The following GNG2 variants were observed in gnomAD, a reference collection of about 807,000 sequenced individuals.
GNG2 encodes guanine nucleotide-binding protein G(I)/G(S)/G(O) subunit gamma-2.
GNG2 carries 5 observed loss-of-function variants against 5.5 expected under a neutral mutation model. The ratio of observed to expected loss-of-function variants is 0.91; its 90% CI spans 0.48 to 1.92. GNG2 has a LOEUF of 1.92. Among genes scored for constraint, GNG2 ranks in the 30% most tolerant of loss-of-function variants. The pLI is 0.01. For synonymous variants in GNG2, 28 were observed against 32.0 expected (o/e 0.88, Z 0.42); for missense variants, 55 against 88.4 (o/e 0.62, Z 1.52).
intron 2 of GNG2, among the ~76,000 whole-genome samples, chr14:51,915,455 C>G (rs1472525508): frequency 2.0e-5 from 3 of 152,072 alleles, no homozygotes; most frequent in Non-Finnish European, 4.4e-5. Flanking sequence ...ACAAAAGACA[C>G]CTAAGCTGCT....
chr14:51,961,490 C>T (rs1253649), intron 3 of GNG2, among the ~76,000 whole-genome samples: 140,857 of 152,242 alleles, frequency 0.93, 65,663 homozygotes, highest in Non-Finnish European at 0.98. Context: ...TTCCTGCCTT[C>T]GTGGAGCCCA....
At chr14:51,854,251 T>G (rs968181142) in intron 2 of GNG2, among the ~76,000 whole-genome samples, 2 of 152,152 alleles carry the variant, frequency 1.3e-5, no homozygotes, top group Non-Finnish European at 2.9e-5. Context: ...AGTGTTTCTG[T>G]TTTTATGGTA....
At chr14:51,922,145 C>CT (rs1887051098) in intron 2 of GNG2, among the ~76,000 whole-genome samples, 2 of 152,110 alleles carry the variant, frequency 1.3e-5, no homozygotes, top group South Asian at 4.1e-4. Context: ...AGCTAAAACT[C>CT]TGACAATTCA....
intron 2 of GNG2, among the ~76,000 whole-genome samples, chr14:51,935,021 CTTTCT>C (rs1887896089): frequency 9.0e-6 from 1 of 111,292 alleles, no homozygotes. Context: ...AGCCCAGTTT[CTTTCT>C]TTTTTTTTTT....
chr14:51,908,031 T>C (rs1886039247), intron 2 of GNG2, among the ~76,000 whole-genome samples: 1 of 152,218 alleles, frequency 6.6e-6, no homozygotes, highest in East Asian at 1.9e-4. Flanking sequence ...ACATCTATCT[T>C]CTAATAGTTT....
At chr14:51,916,705 G>A (rs1220356115) in intron 2 of GNG2, among the ~76,000 whole-genome samples, 1 of 152,148 alleles carries the variant, frequency 6.6e-6, no homozygotes, top group Non-Finnish European at 1.5e-5. Context: ...ACCCAGGTTG[G>A]TGTAGGTATC....
chr14:51,942,589 C>CTTTCTTTCTTTCTTTCTTTCTT (rs761049973), intron 2 of GNG2, among the ~76,000 whole-genome samples: 1 of 81,146 alleles, frequency 1.2e-5, no homozygotes, highest in African/African-American at 5.9e-5. Flanking sequence ...TTCTTTCTTT[C>CTTTCTTTCTTTCTTTCTTTCTT]TTTTTTTTTT....
intron 2 of GNG2, among the ~76,000 whole-genome samples, chr14:51,833,818 A>G (rs2140072135): frequency 6.6e-6 from 1 of 152,376 alleles, no homozygotes. Context: ...CATCTGCTGC[A>G]ATGATGAATG....
chr14:51,937,416 A>G (rs931585037), intron 2 of GNG2, among the ~76,000 whole-genome samples: 44 of 152,302 alleles, frequency 2.9e-4, no homozygotes, highest in African/African-American at 9.1e-4. Context: ...ATGATTATGT[A>G]TATTAGTTAA....
chr14:51,966,231 A>AAAAAAG (rs1555359164), intron 3 of GNG2, among the ~76,000 whole-genome samples: 2,421 of 108,546 alleles, frequency 0.022, 215 homozygotes, highest in South Asian at 0.1. Flanking sequence ...AAAAAAAAAA[A>AAAAAAG]AAAAAACAAA....
chr14:51,911,335 G>A (rs930169313), intron 2 of GNG2, among the ~76,000 whole-genome samples: 1 of 152,166 alleles, frequency 6.6e-6, no homozygotes, highest in African/African-American at 2.4e-5. Context: ...CAAGGCCTAT[G>A]AGAATGAAAT....
Position 51,922,295 on chromosome 14 carries a change from T to C in GNG2, c.-29-28355T>C, listed in dbSNP as rs1254499467. On this transcript the variant is annotated intron_variant, in intron 2 of 3. Transcript: ENST00000556766. ...TGTGGATCTTGTAAAACAGAAAATG[T>C]AGCTTTTTAGATAAAAGGAAAAGGA... Among the ~76,000 whole-genome samples, 3 of 152,202 alleles carry C rather than the reference T, an allele frequency of 2.0e-5. No individual in the cohort carries two copies. In the East Asian group the frequency reaches 5.8e-4, roughly 29 times the overall value.
At chr14:51,856,170 A>G (rs373856132), upstream of GNG2, among the ~76,000 whole-genome samples, 1 of 152,064 alleles carries the variant, frequency 6.6e-6, no homozygotes, top group Non-Finnish European at 1.5e-5. Flanking sequence ...AGAGCAAGAC[A>G]GTCTCAAAAA....
intron 2 of GNG2, among the ~76,000 whole-genome samples, chr14:51,843,558 G>A (rs1280048163): frequency 7.1e-6 from 1 of 140,698 alleles, no homozygotes; most frequent in African/African-American, 2.6e-5. Flanking sequence ...ATCTGCACAC[G>A]CATCCCAGAA....
In GNG2 at chr14:51,943,740, C is replaced by A. The variant is rs1888482568; in HGVS notation, c.-29-6910C>A. Among the ~76,000 whole-genome samples, 2 of 151,902 alleles carry A rather than the reference C, an allele frequency of 1.3e-5. 1 individual carries two copies. The highest frequency in any genetic ancestry group is 4.8e-5 in the African/African-American group (2 of 41,328). ...AAGAATAAAATAGTTAAGAACTAAC[C>A]AGGAAGGTAAAAGACTTATTCAACA... On this transcript the variant is annotated intron_variant, in intron 2 of 3. Coordinates refer to ENST00000556766, the MANE Select transcript of GNG2 (RefSeq NM_053064.5).
At chr14:51,882,678 G>A (rs1214000154) in intron 2 of GNG2, among the ~76,000 whole-genome samples, 1 of 152,154 alleles carries the variant, frequency 6.6e-6, no homozygotes, top group East Asian at 1.9e-4. Context: ...CCTATCGTGG[G>A]ACAGAATTTG....
chr14:51,848,922 G>A (rs1437564238), intron 2 of GNG2, among the ~76,000 whole-genome samples: 2 of 152,194 alleles, frequency 1.3e-5, no homozygotes, highest in African/African-American at 4.8e-5. Context: ...ATCAGAGATC[G>A]AGGGAGTTGG....
At chr14:51,835,227 A>G (rs1041037275) in intron 2 of GNG2, among the ~76,000 whole-genome samples, 1 of 152,240 alleles carries the variant, frequency 6.6e-6, no homozygotes, top group African/African-American at 2.4e-5. Flanking sequence ...GCAGTGAACT[A>G]ATTGAATCAC....
chr14:51,944,624 C>T (rs141074677), intron 2 of GNG2, among the ~76,000 whole-genome samples: 140 of 152,154 alleles, frequency 9.2e-4, no homozygotes, highest in Middle Eastern at 3.4e-3. Context: ...TGAAGTTGGC[C>T]GTAACACTGT....
Sources: gnomAD v4.1 joint callset for allele counts (sites outside exome capture counted in the v4.1 genomes callset) on GRCh38, gnomAD v4.1.1 for gene constraint, MANE v1.5 for transcripts, NCBI Gene and HGNC (gene_info 2026-07-23, HGNC 2026-07-21) for gene names.